The following SUPT3H variants were observed in gnomAD, a reference collection of about 807,000 sequenced individuals.
SUPT3H encodes the protein transcription initiation protein SPT3 homolog.
A neutral mutation model predicts 44.3 loss-of-function variants in SUPT3H; 44 were observed. The ratio of observed to expected loss-of-function variants is 0.99; its 90% confidence interval spans 0.78 to 1.28. The LOEUF (loss-of-function observed/expected upper bound fraction) is 1.28, where lower values mean the gene tolerates loss of function less well. Among genes scored for constraint, SUPT3H ranks in the 50% most tolerant of loss-of-function variants. The probability of loss-of-function intolerance (pLI) is 0.00; values close to 1 mark genes in which losing one functional copy is unlikely to be tolerated. For synonymous variants in SUPT3H, 124 were observed against 125.6 expected (o/e 0.99, Z 0.09); for missense variants, 380 against 387.1 (o/e 0.98, Z 0.15).
chr6:45,122,628 T>C (rs1380867338), intron 2 of SUPT3H, among the ~76,000 whole-genome samples: 1 of 152,084 alleles, frequency 6.6e-6, no homozygotes, highest in Non-Finnish European at 1.5e-5. Context: ...ATATACACCA[T>C]TAAAACACCA....
chr6:44,928,882 C>CAAAATAAATAAATAAATAAATA (rs1491206167), intron 10 of SUPT3H, among the ~76,000 whole-genome samples: 6 of 20,644 alleles, frequency 2.9e-4, no homozygotes, highest in African/African-American at 1.9e-3. Flanking sequence ...GACTCCGTCT[C>CAAAATAAATAAATAAATAAATA]AAAAAAAAAA....
chr6:45,224,008 T>C (rs1766490052), intron 2 of SUPT3H, among the ~76,000 whole-genome samples: 1 of 148,462 alleles, frequency 6.7e-6, no homozygotes, highest in Non-Finnish European at 1.5e-5. Context: ...ATATATTAAA[T>C]ATACATATTA....
intron 2 of SUPT3H, among the ~76,000 whole-genome samples, chr6:45,209,255 G>A (rs146168541): frequency 2.1e-3 from 321 of 152,208 alleles, no homozygotes; most frequent in African/African-American, 6.9e-3. Flanking sequence ...CTCAACTTTC[G>A]AAATCTATTT....
chr6:45,128,533 A>AAATATAT (rs1554257896), intron 2 of SUPT3H, among the ~76,000 whole-genome samples: 2 of 52,248 alleles, frequency 3.8e-5, no homozygotes, highest in Non-Finnish European at 6.7e-5. Flanking sequence ...AAAAAAAAAA[A>AAATATAT]ATATATATAT....
chr6:45,106,537 A>T (rs1425571434), intron 2 of SUPT3H, among the ~76,000 whole-genome samples: 2 of 151,076 alleles, frequency 1.3e-5, no homozygotes, highest in African/African-American at 4.9e-5. Context: ...TACAGTTTTT[A>T]TTTTTTTTAT....
chr6:44,935,352 C>T (rs1348329768), intron 9 of SUPT3H, among the ~76,000 whole-genome samples: 2 of 152,072 alleles, frequency 1.3e-5, no homozygotes, highest in Admixed American at 6.5e-5. Context: ...ATAAAATGTA[C>T]ATATTTGTTA....
intron 2 of SUPT3H, among the ~76,000 whole-genome samples, chr6:45,244,612 A>G (rs570963526): frequency 6.6e-6 from 1 of 152,156 alleles, no homozygotes; most frequent in Non-Finnish European, 1.5e-5. Context: ...ATTTTACCCA[A>G]TTTTCTTGCC....
intron 11 of SUPT3H, among the ~76,000 whole-genome samples, chr6:44,813,631 A>G (rs1424115644): frequency 6.6e-6 from 1 of 151,228 alleles, no homozygotes; most frequent in African/African-American, 2.4e-5. Context: ...ATATTGAGGT[A>G]ATAAAGAAGG....
intron 10 of SUPT3H, among the ~76,000 whole-genome samples, chr6:44,833,801 A>T (rs1046612013): frequency 8.5e-5 from 13 of 152,184 alleles, no homozygotes; most frequent in Non-Finnish European, 1.8e-4. Context: ...AATTCCACCC[A>T]GAGCACTGTA....
At chr6:45,372,704 G>A (rs1052107908) in intron 1 of SUPT3H, among the ~76,000 whole-genome samples, 2 of 152,072 alleles carry the variant, frequency 1.3e-5, no homozygotes, top group African/African-American at 4.8e-5. Context: ...TGTTGCTCAG[G>A]ATGGAGTACA....
At chr6:45,009,186 G>T (rs1342862632) in intron 5 of SUPT3H, among the ~76,000 whole-genome samples, 4 of 152,020 alleles carry the variant, frequency 2.6e-5, no homozygotes, top group Non-Finnish European at 5.9e-5. Flanking sequence ...TACCCTATCA[G>T]ATATATAAGA....
chr6:45,111,186 C>T (rs1431355186), intron 2 of SUPT3H, among the ~76,000 whole-genome samples: 1 of 151,954 alleles, frequency 6.6e-6, no homozygotes, highest in African/African-American at 2.4e-5. Flanking sequence ...GCGCCCGCCA[C>T]CATGCCCAGC....
intron 2 of SUPT3H, among the ~76,000 whole-genome samples, chr6:45,178,953 A>G (rs1293431561): frequency 1.3e-5 from 2 of 152,024 alleles, no homozygotes; most frequent in African/African-American, 4.8e-5. Context: ...AATGCCCACA[A>G]GAGAAAGCAG....
intron 2 of SUPT3H, among the ~76,000 whole-genome samples, chr6:45,158,269 A>T (rs58499585): frequency 3.0e-5 from 3 of 101,186 alleles, no homozygotes; most frequent in African/African-American, 8.3e-5. Flanking sequence ...TATATATATA[A>T]ATATACATAT....
intron 2 of SUPT3H, chr6:45,197,605 T>C (rs1816275613): frequency 3.1e-6 from 1 of 326,404 alleles, no homozygotes. Context: ...AGGTAAACTA[T>C]GAGAAAGACA....
chr6:44,925,691 C>T (rs955862292), intron 10 of SUPT3H, among the ~76,000 whole-genome samples: 3 of 152,192 alleles, frequency 2.0e-5, no homozygotes, highest in Admixed American at 6.5e-5. Flanking sequence ...ACATGTCTGA[C>T]CACCTTCCCT....
chr6:45,152,547 A>T (rs1455500048), intron 2 of SUPT3H, among the ~76,000 whole-genome samples: 1 of 152,142 alleles, frequency 6.6e-6, no homozygotes, highest in Admixed American at 6.6e-5. Flanking sequence ...GCTAGAGTGC[A>T]GTAGTCCTAT....
intron 10 of SUPT3H, among the ~76,000 whole-genome samples, chr6:44,903,790 C>G (rs546596720): frequency 1.3e-5 from 2 of 152,172 alleles, no homozygotes; most frequent in Non-Finnish European, 2.9e-5. Context: ...CAATAAAATA[C>G]TGGCAAACCG....
rs543598308 is a variant in SUPT3H at position 45,116,776 on chromosome 6, A to G, written c.102-10770T>C. 2.0e-5 allele frequency among the ~76,000 whole-genome samples: 3 copies of G among 152,284 alleles called. No homozygotes were observed. In the East Asian group the frequency reaches 5.8e-4, roughly 29 times the overall value. On this transcript the variant is annotated intron_variant, in intron 2 of 10. Coordinates refer to ENST00000371459, the MANE Select transcript of SUPT3H (RefSeq NM_003599.4). ...CAGTTGTTTAAAAGTGTACAATTCA[A>G]TAACTTTTAGTAAATTTACAGGGTT... is the stretch of plus-strand genomic sequence containing the variant.
Sources: gnomAD v4.1 joint callset for allele counts (sites outside exome capture counted in the v4.1 genomes callset) on GRCh38, gnomAD v4.1.1 for gene constraint, MANE v1.5 for transcripts, NCBI Gene and HGNC (gene_info 2026-07-23, HGNC 2026-07-21) for gene names.